Variants in CHL1 observed in about 807,000 individuals in gnomAD.
CHL1 encodes neural cell adhesion molecule L1-like protein.
In CHL1, 96 loss-of-function variants were observed where a neutral mutation model predicts 141.9. That is an observed-to-expected ratio of 0.68 (90% CI 0.57 to 0.80). The LOEUF (loss-of-function observed/expected upper bound fraction) is 0.80, where lower values mean the gene tolerates loss of function less well. CHL1 is among the 30% of genes least tolerant of loss of function. CHL1 has a pLI of 0.00. For synonymous variants in CHL1, 613 were observed against 502.2 expected, an observed-to-expected ratio of 1.22 and a Z score of -2.95; for missense variants, 1,820 against 1,457.2, an observed-to-expected ratio of 1.25 and a Z score of -4.05.
chr3:298,551 T>A (rs965818164), intron 2 of CHL1, among the ~76,000 whole-genome samples: 4 of 152,166 alleles, frequency 2.6e-5, no homozygotes, highest in African/African-American at 4.8e-5. Flanking sequence ...ATGCATAGAT[T>A]TCAGGTTTGT....
chr3:324,709 C>A (rs182812919), intron 3 of CHL1, among the ~76,000 whole-genome samples: 227 of 151,760 alleles, frequency 1.5e-3, no homozygotes, highest in African/African-American at 5.2e-3. Context: ...CTTGATCACA[C>A]CTCACAACAG....
At chr3:287,967 C>T (rs765326946) in intron 2 of CHL1, among the ~76,000 whole-genome samples, 1 of 152,110 alleles carries the variant, frequency 6.6e-6, no homozygotes, top group Non-Finnish European at 1.5e-5. Flanking sequence ...GGGGTTTTAC[C>T]CTGTTGGCCA....
At chr3:385,611 CA>C in intron 19 of CHL1, 1 of 152,406 alleles carries the variant, frequency 6.6e-6, no homozygotes, top group East Asian at 1.9e-4. Flanking sequence ...GGGCAGATCA[CA>C]AGATCAGGAG....
In CHL1 at chr3:343,347, T is replaced by C. The variant is rs1406246173; in HGVS notation, c.727+316T>C. On this transcript the variant is annotated intron_variant, in intron 8 of 27. Coordinates refer to ENST00000256509, the MANE Select transcript of CHL1 (RefSeq NM_006614.4). ...CTTATGGTATATAAGGTTGATACTT[T>C]TGCAGAAAGAAAAGAAATGGTTAAG... 2.6e-5 allele frequency among the ~76,000 whole-genome samples: 4 copies of C among 152,200 alleles called. No individual in the cohort carries two copies. The East Asian group carries it at 5.8e-4, about 22-fold the overall frequency.
In CHL1 at chr3:305,252, C is replaced by A. The variant is rs140779963; in HGVS notation, c.-94-14431C>A. On this transcript the variant is annotated intron_variant, in intron 2 of 27. Transcript: ENST00000256509. The stretch of plus-strand genomic sequence containing the variant: ...GTTTTATCAAAATATTTACAGAACA[C>A]TTTGTCTTTGTCACCTGCTAGTCAT... Among the ~76,000 whole-genome samples the A allele has an allele frequency of 1.3e-4, 20 of 152,168 alleles. 1 individual carries two copies. The East Asian group carries it at 3.9e-3, about 29-fold the overall frequency.
chr3:325,120 A>G (rs1700903680), intron 3 of CHL1, among the ~76,000 whole-genome samples: 1 of 151,962 alleles, frequency 6.6e-6, no homozygotes, highest in South Asian at 2.1e-4. Context: ...ATAAATGAGG[A>G]ATAACAAACA....
intron 10 of CHL1, among the ~76,000 whole-genome samples, chr3:350,635 T>A (rs71306202): frequency 1.0e-4 from 15 of 150,408 alleles, no homozygotes; most frequent in Non-Finnish European, 1.8e-4. Flanking sequence ...CAGACACAAA[T>A]TCTCCTCCCA....
At chr3:231,188 G>A (rs531542603) in intron 1 of CHL1, among the ~76,000 whole-genome samples, 1 of 152,112 alleles carries the variant, frequency 6.6e-6, no homozygotes, top group Non-Finnish European at 1.5e-5. Context: ...TCCCTGGGAG[G>A]AGAAAGACAA....
chr3:252,709 A>T (rs748932971), intron 2 of CHL1, among the ~76,000 whole-genome samples: 9 of 152,054 alleles, frequency 5.9e-5, no homozygotes, highest in Non-Finnish European at 1.2e-4. Flanking sequence ...GAGTGCTGAC[A>T]TGAATTAAAT....
chr3:357,437 G>T (rs1014789028), intron 11 of CHL1, among the ~76,000 whole-genome samples: 1 of 152,154 alleles, frequency 6.6e-6, no homozygotes, highest in African/African-American at 2.4e-5. Context: ...CCTCGTAGCA[G>T]CTTGAAAAAT....
chr3:275,545 T>C (rs927243794), intron 2 of CHL1, among the ~76,000 whole-genome samples: 4 of 152,354 alleles, frequency 2.6e-5, no homozygotes, highest in African/African-American at 9.6e-5. Context: ...GACACAGTTT[T>C]GTTACCTATA....
chr3:284,916 T>A (rs1406753033), intron 2 of CHL1, among the ~76,000 whole-genome samples: 1 of 152,228 alleles, frequency 6.6e-6, no homozygotes, highest in Non-Finnish European at 1.5e-5. Context: ...TTCTGCAGAA[T>A]CTATTATATC....
chr3:233,712 T>TTA lies in CHL1; in HGVS notation c.-174-10898_-174-10897dup, dbSNP rs1056405656. ...TTGTAGTGCTTTATTTCACCTAATA[T>TTA]TATACAAAGTCTCAGCATTCAATAT... is the stretch of plus-strand genomic sequence containing the variant. On this transcript the variant is annotated intron_variant, in intron 1 of 27. Transcript: ENST00000256509. Among the ~76,000 whole-genome samples, 155 of 152,290 alleles carry TTA rather than the reference T, an allele frequency of 1.0e-3. 1 individual carries two copies. The highest frequency in any genetic ancestry group is 3.3e-3 in the African/African-American group (136 of 41,568).
chr3:274,901 C>T (rs1037744907), intron 2 of CHL1, among the ~76,000 whole-genome samples: 1 of 152,158 alleles, frequency 6.6e-6, no homozygotes, highest in Non-Finnish European at 1.5e-5. Context: ...ATCTTGGTGG[C>T]ATCTTCATTT....
chr3:361,933 G>C lies in CHL1; in HGVS notation c.1418+123G>C, dbSNP rs185860618. 2.9e-5 allele frequency: 19 copies of C among 661,042 alleles called. No individual in the cohort carries two copies. The East Asian group carries it at 4.7e-4, about 16-fold the overall frequency. The allele number at this position is 661,042 out of a possible 1,614,324, so 40.9% of individuals were successfully genotyped here. ...TGTTACATGTACCCAGTACCTCTGA[G>C]ACATAAGGTAACAAACTTACCGGTC... On this transcript the variant is annotated intron_variant, in intron 13 of 27. Coordinates refer to ENST00000256509, the MANE Select transcript of CHL1 (RefSeq NM_006614.4).
At chr3:204,396 C>A (rs897764306) in intron 1 of CHL1, among the ~76,000 whole-genome samples, 1 of 152,226 alleles carries the variant, frequency 6.6e-6, no homozygotes, top group Admixed American at 6.5e-5. Flanking sequence ...AAGTATCCTT[C>A]TTCTTTGTTA....
intron 2 of CHL1, among the ~76,000 whole-genome samples, chr3:264,558 G>C (rs331861): frequency 0.012 from 1,791 of 152,136 alleles, 41 homozygotes; most frequent in African/African-American, 0.042. Context: ...TATATATTGT[G>C]GACCTACTGT....
At chr3:392,481 T>A (rs1708303846) in intron 23 of CHL1, among the ~76,000 whole-genome samples, 2 of 152,230 alleles carry the variant, frequency 1.3e-5, no homozygotes, top group Non-Finnish European at 2.9e-5. Context: ...TGTGTTTAGA[T>A]GAGATCAGGT....
At chr3:328,503 A>T (rs193263235) in intron 5 of CHL1, 149 bp downstream of exon 5, 2 of 555,572 alleles carry the variant, frequency 3.6e-6, no homozygotes, top group Non-Finnish European at 5.9e-6. Flanking sequence ...AATTTCCTCC[A>T]GGTCTTGATA....
Sources: gnomAD v4.1 joint callset for allele counts (sites outside exome capture counted in the v4.1 genomes callset) on GRCh38, gnomAD v4.1.1 for gene constraint, MANE v1.5 for transcripts, NCBI Gene and HGNC (gene_info 2026-07-23, HGNC 2026-07-21) for gene names.